Variants in ZNF385D observed in about 807,000 individuals in gnomAD.
The protein encoded by ZNF385D is zinc finger protein 659.
In ZNF385D, 15 loss-of-function variants were observed where a neutral mutation model predicts 35.8. The ratio of observed to expected loss-of-function variants is 0.42; its 90% confidence interval spans 0.28 to 0.64. The LOEUF (loss-of-function observed/expected upper bound fraction) is 0.64, where lower values mean the gene tolerates loss of function less well. Ranked by LOEUF, ZNF385D falls within the 30% of genes least tolerant of loss-of-function variation. The pLI, the probability that ZNF385D is intolerant of heterozygous loss-of-function variation, is 0.23. For synonymous variants in ZNF385D, 212 were observed against 186.8 expected, an observed-to-expected ratio of 1.13 and a Z score of -1.10; for missense variants, 474 against 494.6, an observed-to-expected ratio of 0.96 and a Z score of 0.39.
rs532842513 is a variant in ZNF385D, at chr3:22,267,426, T to A, written c.107-98391A>T. Among the ~76,000 whole-genome samples the A allele has an allele frequency of 1.4e-4, 22 of 151,756 alleles. No individual in the cohort carries two copies. The East Asian group carries it at 3.5e-3, about 24-fold the overall frequency. ...TAGATGCTTTTCTCTGAAAAAAAAA[T>A]ATAAGGTAAAGAATAACTTGCATGT... On this transcript the variant is annotated intron_variant, in intron 2 of 5. Coordinates refer to the ZNF385D transcript ENST00000494108.
chr3:21,484,997 C>T (rs553522826), intron 4 of ZNF385D, among the ~76,000 whole-genome samples: 49 of 152,146 alleles, frequency 3.2e-4, no homozygotes, highest in Non-Finnish European at 4.6e-4. Context: ...GGCTGCTAGA[C>T]AGTCCTACCT....
chr3:22,223,499 G>A (rs1174989651), intron 2 of ZNF385D, among the ~76,000 whole-genome samples: 1 of 152,056 alleles, frequency 6.6e-6, no homozygotes, highest in Non-Finnish European at 1.5e-5. Context: ...TGTAAATTGG[G>A]GGTGTAATAG....
intron 2 of ZNF385D, among the ~76,000 whole-genome samples, chr3:21,623,337 G>T (rs79220370): frequency 2.0e-5 from 3 of 152,012 alleles, no homozygotes; most frequent in African/African-American, 7.2e-5. Context: ...CCGATCTCAG[G>T]GAAAAAACAT....
intron 3 of ZNF385D, among the ~76,000 whole-genome samples, chr3:21,822,479 T>C (rs920287215): frequency 2.0e-5 from 3 of 152,312 alleles, no homozygotes; most frequent in Middle Eastern, 3.4e-3. Flanking sequence ...ACTTTGCTGG[T>C]GGACATGTAA....
At chr3:21,805,680 C>T (rs1210636874) in intron 3 of ZNF385D, among the ~76,000 whole-genome samples, 1 of 152,138 alleles carries the variant, frequency 6.6e-6, no homozygotes, top group Non-Finnish European at 1.5e-5. Context: ...TTATCCTGTC[C>T]TAATTTTCCT....
At chr3:22,146,885 A>G (rs1303424807) in intron 3 of ZNF385D, among the ~76,000 whole-genome samples, 1 of 152,160 alleles carries the variant, frequency 6.6e-6, no homozygotes, top group Non-Finnish European at 1.5e-5. Flanking sequence ...TCTGAAACAT[A>G]TTTGGGAAGT....
At chr3:22,275,030 C>T (rs1313334669) in intron 2 of ZNF385D, among the ~76,000 whole-genome samples, 1 of 152,028 alleles carries the variant, frequency 6.6e-6, no homozygotes, top group African/African-American at 2.4e-5. Context: ...TGGATAGCTG[C>T]TTTGCTTATT....
At chr3:21,937,376 G>A (rs1451997848) in intron 3 of ZNF385D, among the ~76,000 whole-genome samples, 1 of 152,076 alleles carries the variant, frequency 6.6e-6, no homozygotes, top group African/African-American at 2.4e-5. Flanking sequence ...GACTTTTACA[G>A]TTATTTGCCC....
intron 3 of ZNF385D, among the ~76,000 whole-genome samples, chr3:21,542,231 C>T (rs898044163): frequency 1.3e-5 from 2 of 152,058 alleles, no homozygotes; most frequent in Non-Finnish European, 2.9e-5. Flanking sequence ...ATGAATCCTG[C>T]ATTGTGGAGA....
At chr3:21,906,522 T>A (rs76168899) in intron 3 of ZNF385D, among the ~76,000 whole-genome samples, 9,341 of 152,182 alleles carry the variant, frequency 0.061, 310 homozygotes, top group Middle Eastern at 0.085. Flanking sequence ...GGATCCAGTT[T>A]TTGCCTCTGC....
At chr3:21,820,904 A>AT (rs2073367840) in intron 3 of ZNF385D, among the ~76,000 whole-genome samples, 1 of 151,844 alleles carries the variant, frequency 6.6e-6, no homozygotes, top group Non-Finnish European at 1.5e-5. Flanking sequence ...TAGTTTTGTG[A>AT]TTAAAAAAAA....
At chr3:22,151,607 A>AG (rs1221218701) in intron 3 of ZNF385D, among the ~76,000 whole-genome samples, 1 of 152,130 alleles carries the variant, frequency 6.6e-6, no homozygotes, top group Non-Finnish European at 1.5e-5. Flanking sequence ...TTCTTGCTTG[A>AG]GGAAAGTCAG....
At chr3:21,734,552 A>G (rs549728038) in intron 1 of ZNF385D, among the ~76,000 whole-genome samples, 32 of 152,218 alleles carry the variant, frequency 2.1e-4, no homozygotes, top group Non-Finnish European at 3.7e-4. Context: ...AAAAAAAACT[A>G]TGCATCAAGT....
chr3:21,910,084 T>TACACACACACACACAC (rs112815077), intron 3 of ZNF385D, among the ~76,000 whole-genome samples: 147 of 149,340 alleles, frequency 9.8e-4, no homozygotes, highest in South Asian at 5.4e-3. Context: ...ACATATATTT[T>TACACACACACACACAC]ACACACACAC....
At chr3:22,233,597 C>T (rs1699016345) in intron 2 of ZNF385D, among the ~76,000 whole-genome samples, 2 of 151,990 alleles carry the variant, frequency 1.3e-5, no homozygotes, top group African/African-American at 4.8e-5. Context: ...GAAAAGTGCC[C>T]ACTCTTCTTA....
chr3:21,533,290 T>A (rs149351604), intron 3 of ZNF385D, among the ~76,000 whole-genome samples: 1 of 152,208 alleles, frequency 6.6e-6, no homozygotes, highest in Non-Finnish European at 1.5e-5. Context: ...ACAAGAAACG[T>A]TTCCCCACTT....
At chr3:21,886,016 A>T (rs1698529377) in intron 3 of ZNF385D, among the ~76,000 whole-genome samples, 1 of 152,106 alleles carries the variant, frequency 6.6e-6, no homozygotes, top group Admixed American at 6.6e-5. Flanking sequence ...TCCAAGAAAA[A>T]ACACCTTCTC....
chr3:21,649,316 A>G (rs777530914), intron 2 of ZNF385D, among the ~76,000 whole-genome samples: 2 of 152,172 alleles, frequency 1.3e-5, no homozygotes, highest in Non-Finnish European at 2.9e-5. Context: ...GAAGAAAAAG[A>G]GTCCACACTG....
intron 3 of ZNF385D, among the ~76,000 whole-genome samples, chr3:21,908,550 G>C (rs2125909820): frequency 6.6e-6 from 1 of 152,088 alleles, no homozygotes; most frequent in South Asian, 2.1e-4. Flanking sequence ...TGAGGCTGAG[G>C]GTCAGAGTAG....
Sources: gnomAD v4.1 joint callset for allele counts (sites outside exome capture counted in the v4.1 genomes callset) on GRCh38, gnomAD v4.1.1 for gene constraint, MANE v1.5 for transcripts, NCBI Gene and HGNC (gene_info 2026-07-23, HGNC 2026-07-21) for gene names.